The following CACNA1B variants were observed in gnomAD, a reference collection of about 807,000 sequenced individuals.
CACNA1B encodes voltage-dependent N-type calcium channel subunit alpha-1B.
In CACNA1B, 70 loss-of-function variants were observed where a neutral mutation model predicts 247.2. That is an observed-to-expected ratio of 0.28 (90% CI 0.23 to 0.35). The LOEUF (loss-of-function observed/expected upper bound fraction) is 0.35. CACNA1B is among the 10% of genes least tolerant of loss of function. The pLI, the probability that CACNA1B is intolerant of heterozygous loss-of-function variation, is 1.00. For synonymous variants in CACNA1B, 1,231 were observed against 1,294.4 expected (o/e 0.95, Z 1.05); for missense variants, 2,367 against 3,197.4 (o/e 0.74, Z 6.26).
At chr9:137,959,954 G>A (rs558764025) in intron 10 of CACNA1B, among the ~76,000 whole-genome samples, 2 of 152,272 alleles carry the variant, frequency 1.3e-5, no homozygotes, top group Admixed American at 6.5e-5. Flanking sequence ...GCGTGTGGAG[G>A]GGGGGCGGTG....
rs547852176 is a variant in CACNA1B at position 138,118,748 on chromosome 9, C to T, written c.6010C>T (p.Arg2004Cys). ...ESQGRAASMP[R>C]LAAETQPVTD... Reference sequence around the variant, plus strand: ...CCAGGGTCGAGCGGCCTCCATGCCCCGCCTTGCGGCCGAGACTCAGGTAGG... The same window carrying T: ...CCAGGGTCGAGCGGCCTCCATGCCCTGCCTTGCGGCCGAGACTCAGGTAGG... Residue 2004 changes from arginine to cysteine, a missense_variant, in exon 44 of 47, where the codon CGC (arginine) becomes TGC (cysteine). Coordinates refer to ENST00000371372, the MANE Select transcript of CACNA1B (RefSeq NM_000718.4). The T allele has an allele frequency of 1.1e-5, 17 of 1,523,512 alleles. No homozygotes were observed. The highest frequency in any genetic ancestry group is 2.8e-5 in the African/African-American group (2 of 72,602). The allele number at this position is 1,523,512 out of a possible 1,614,324, so 94.4% of individuals were successfully genotyped here.
At chr9:137,978,436 C>T (rs1483197361) in intron 12 of CACNA1B, among the ~76,000 whole-genome samples, 1 of 148,288 alleles carries the variant, frequency 6.7e-6, no homozygotes, top group Admixed American at 6.7e-5. Flanking sequence ...GGGAGCACTG[C>T]CCCCCCGAGA....
intron 31 of CACNA1B, among the ~76,000 whole-genome samples, chr9:138,067,152 A>G (rs953397513): frequency 6.6e-6 from 1 of 152,234 alleles, no homozygotes; most frequent in African/African-American, 2.4e-5. Context: ...CTAGAAAAAT[A>G]TAAATGACTG....
rs955254337 is a variant in CACNA1B at position 138,123,636 on chromosome 9, G to A, written c.*1637G>A. ...GCCTGTACAGGTGTGTTCAGTGTGT[G>A]GATGTCATTAACCCATAGGGCTATG... On this transcript the variant is annotated 3_prime_UTR_variant, in exon 47 of 47. Transcript: ENST00000371372. 6.6e-6 allele frequency: 1 copy of A among 152,026 alleles called. No homozygotes were observed. The highest frequency in any genetic ancestry group is 2.4e-5 in the African/African-American group (1 of 41,344). 9.4% of individuals were successfully genotyped at this position (152,026 alleles called of 1,614,324 possible).
chr9:138,058,379 T>C lies in CACNA1B; in HGVS notation c.4308+129T>C. On this transcript the variant is annotated intron_variant, in intron 28 of 46. Coordinates refer to ENST00000371372, the MANE Select transcript of CACNA1B (RefSeq NM_000718.4). The surrounding 1 kb of genome is among the most constrained non-coding windows in gnomAD (Gnocchi z 4.7). Reference sequence around the variant, plus strand: ...CACCGTCTGCCAACACAGGGGCAGGTCCTCCTTTCTCCTGCAGAGGGACCG... The same window carrying C: ...CACCGTCTGCCAACACAGGGGCAGGCCCTCCTTTCTCCTGCAGAGGGACCG... 1 of 949,634 alleles carries C rather than the reference T, an allele frequency of 1.1e-6. No individual in the cohort carries two copies. Among genetic ancestry groups the C allele is most frequent in the Non-Finnish European group, 1.6e-6 (1 of 607,272 alleles). The allele number at this position is 949,634 out of a possible 1,614,324, so 58.8% of individuals were successfully genotyped here. A position where few individuals can be genotyped will look rare whatever the true frequency, so the allele number is the denominator to read the frequency against.
In CACNA1B at chr9:138,006,862, T is replaced by C; in HGVS notation, c.2070T>C (p.Ile690=). 1 of 1,599,306 alleles carries C rather than the reference T, an allele frequency of 6.3e-7. No homozygotes were observed. The highest frequency in any genetic ancestry group is 8.6e-7 in the Non-Finnish European group (1 of 1,166,732). The change falls in exon 16 of 47, where the codon ATT becomes ATC. Residue 690 remains isoleucine (I), a synonymous_variant. Transcript: ENST00000371372. ...GCATGTTCTCGTCCTTTTACTTCAT[T>C]GTCCTGACACTGTTCGGAAACTGTA... is the stretch of plus-strand genomic sequence containing the variant. The part of the protein sequence containing the change: ...SKGMFSSFYF[I]VLTLFGNYTL...
At position 138,049,857 on chromosome 9, in the gene CACNA1B, C is replaced by A. The variant is rs1180304093; in HGVS notation, c.3710+542C>A. ...CTGCTGTGGCTGGAAATGGAGTTGG[C>A]TTCCTCAGATAACTGCATGGAGGGC... On this transcript the variant is annotated intron_variant, in intron 24 of 46. Coordinates refer to ENST00000371372, the MANE Select transcript of CACNA1B (RefSeq NM_000718.4). Among the ~76,000 whole-genome samples the A allele has an allele frequency of 4.6e-5, 7 of 152,214 alleles. 1 individual carries two copies. The highest frequency in any genetic ancestry group is 4.6e-4 in the Admixed American group (7 of 15,282).
chr9:138,106,048 T>G (rs1376791194), intron 39 of CACNA1B, among the ~76,000 whole-genome samples: 6 of 152,120 alleles, frequency 3.9e-5, no homozygotes, highest in Non-Finnish European at 5.9e-5. Context: ...CATGGTGAGA[T>G]TTCATAAATT....
intron 15 of CACNA1B, among the ~76,000 whole-genome samples, chr9:138,000,115 T>C (rs1958547811): frequency 6.6e-6 from 1 of 151,602 alleles, no homozygotes; most frequent in Non-Finnish European, 1.5e-5. Flanking sequence ...TTTTTTTTTT[T>C]TGAGATGGAG....
At chr9:137,940,099 CA>C (rs1268133817) in intron 6 of CACNA1B, among the ~76,000 whole-genome samples, 1 of 151,550 alleles carries the variant, frequency 6.6e-6, no homozygotes, top group South Asian at 2.1e-4. Flanking sequence ...GAAACTTAAA[CA>C]AAAAAACACA....
At chr9:138,032,751 G>A (rs1387027796) in intron 20 of CACNA1B, 1 of 448,354 alleles carries the variant, frequency 2.2e-6, no homozygotes, top group Non-Finnish European at 4.5e-6. Flanking sequence ...ACTGTCATTC[G>A]AATTGTTTTC....
rs1962150670 is a variant in CACNA1B at position 138,122,909 on chromosome 9, G to A, written c.*910G>A. On this transcript the variant is annotated 3_prime_UTR_variant, in exon 47 of 47. Transcript: ENST00000371372. ...CCATCACCGCAGGATGCTGTGAAAA[G>A]TACTCGCGATGGCAGCCAGGTAGCA... The A allele has an allele frequency of 2.6e-5, 4 of 152,272 alleles. No homozygotes were observed. The allele number at this position is 152,272 out of a possible 1,614,324, so 9.4% of individuals were successfully genotyped here.
Position 138,043,785 on chromosome 9 carries a change from G to T in CACNA1B, c.3298G>T (p.Asp1100Tyr), listed in dbSNP as rs769456458. ...CTGTGTCCTTGTAGGTGGTAACGTG[G>T]ACCTGGAAAGCCAAGCAGAGGGGAA... ...EATVVPSGNV[D>Y]LESQAEGKKE... Residue 1100 changes from aspartate (D) to tyrosine (Y), a missense_variant, in exon 21 of 47, where the codon GAC (aspartate) becomes TAC (tyrosine). This residue lies in a region of CACNA1B where 631 missense variants were observed against 631.1 expected (regional missense o/e 1.00). Coordinates refer to ENST00000371372, the MANE Select transcript of CACNA1B (RefSeq NM_000718.4). 1 of 1,613,936 alleles carries T rather than the reference G, an allele frequency of 6.2e-7. No individual in the cohort carries two copies. Among genetic ancestry groups the T allele is most frequent in the South Asian group, 1.1e-5 (1 of 91,080 alleles).
chr9:138,121,520 AC>A lies in CACNA1B; in HGVS notation c.6546del (p.Gly2183AlafsTer13). 1 of 1,561,552 alleles carries A rather than the reference AC, an allele frequency of 6.4e-7. No homozygotes were observed. Among genetic ancestry groups the A allele is most frequent in the South Asian group, 1.2e-5 (1 of 83,670 alleles). On this transcript the variant is annotated frameshift_variant, in exon 47 of 47. Coordinates refer to ENST00000371372, the MANE Select transcript of CACNA1B (RefSeq NM_000718.4). LOFTEE classifies it high-confidence loss of function. The surrounding 1 kb of genome is among the most constrained non-coding windows in gnomAD (Gnocchi z 6.8). ...SPLLSTSGAS[T>X]PGRGGRRQLP... ...CTTGCTGTCAACATCTGGTGCTAGC[AC>A]CCCCGGCCGCGGTGGGCGGAGGCAG...
At position 137,954,174 on chromosome 9, in the gene CACNA1B, G is replaced by A. The variant is rs1302591780; in HGVS notation, c.1071-1524G>A. ...CCTCAGGCCCACAGGCCCAGCAGAG[G>A]GCCCCCAAGCCAGGGGCTGGCACCC... On this transcript the variant is annotated intron_variant, in intron 7 of 46. Transcript: ENST00000371372. The surrounding 1 kb of genome is among the most constrained non-coding windows in gnomAD (Gnocchi z 4.1). 6.6e-6 allele frequency among the ~76,000 whole-genome samples: 1 copy of A among 152,120 alleles called. No individual in the cohort carries two copies. The highest frequency in any genetic ancestry group is 1.5e-5 in the Non-Finnish European group (1 of 68,010).
Position 137,950,307 on chromosome 9 carries a change from T to C in CACNA1B, c.967-1967T>C, listed in dbSNP as rs1957864502. ...CGGCTTTGTGACTGCTGGATGGTGG[T>C]AAAAGTCCTGGCTGCACAAGGCCCT... On this transcript the variant is annotated intron_variant, in intron 6 of 46. Coordinates refer to ENST00000371372, the MANE Select transcript of CACNA1B (RefSeq NM_000718.4). The surrounding 1 kb of genome is among the most constrained non-coding windows in gnomAD (Gnocchi z 4.8). Among the ~76,000 whole-genome samples, 1 of 152,198 alleles carries C rather than the reference T, an allele frequency of 6.6e-6. No homozygotes were observed. Among genetic ancestry groups the C allele is most frequent in the Admixed American group, 6.5e-5 (1 of 15,284 alleles).
chr9:138,025,321 C>T (rs1958908443), intron 20 of CACNA1B, 149 bp downstream of exon 20: 1 of 621,144 alleles, frequency 1.6e-6, no homozygotes, highest in Admixed American at 2.7e-5. Flanking sequence ...TTGCTGTCAA[C>T]ATCTGTCCCT....
intron 6 of CACNA1B, among the ~76,000 whole-genome samples, chr9:137,937,878 C>T (rs781771776): frequency 3.9e-5 from 5 of 129,134 alleles, no homozygotes; most frequent in African/African-American, 9.0e-5. Flanking sequence ...ATTTGGGAGG[C>T]GAAGGTTGTG....
intron 12 of CACNA1B, 21 bp from the exon 13 acceptor site, chr9:137,984,117 G>T: frequency 6.4e-7 from 1 of 1,562,868 alleles, no homozygotes; most frequent in Non-Finnish European, 8.7e-7. Context: ...TGCACCCAAG[G>T]CTAATGCCAT....
Sources: gnomAD v4.1 joint callset for allele counts (sites outside exome capture counted in the v4.1 genomes callset) on GRCh38, gnomAD v4.1.1 for gene constraint, gnomAD v4.1.1 regional missense constraint, Gnocchi (gnomAD v3.1) non-coding constraint, MANE v1.5 for transcripts, NCBI Gene and HGNC (gene_info 2026-07-23, HGNC 2026-07-21) for gene names.